The following NAA25 variants were observed in gnomAD, a reference collection of about 807,000 sequenced individuals.
NAA25 encodes the protein N-terminal acetyltransferase B complex subunit NAA25.
Under a neutral mutation model 132.5 loss-of-function variants are expected in NAA25, and 30 were observed. The observed-to-expected ratio is 0.23, with a 90% CI of 0.17 to 0.31. NAA25 has a LOEUF of 0.31. Ranked by LOEUF, NAA25 falls within the 10% of genes least tolerant of loss-of-function variation. The probability of loss-of-function intolerance (pLI) is 1.00; values close to 1 mark genes in which losing one functional copy is unlikely to be tolerated. For missense variants in NAA25, 771 were observed against 1,150.4 expected, an observed-to-expected ratio of 0.67 and a Z score of 4.77; for synonymous variants, 359 against 401.9, an observed-to-expected ratio of 0.89 and a Z score of 1.28.
At chr12:112,077,844 C>G (rs1192088113) in intron 7 of NAA25, among the ~76,000 whole-genome samples, 1 of 150,970 alleles carries the variant, frequency 6.6e-6, no homozygotes, top group East Asian at 1.9e-4. Context: ...TAAGATTATT[C>G]TATGAGCCAG....
At chr12:112,064,177 T>A (rs2078678956) in intron 11 of NAA25, 1 of 152,274 alleles carries the variant, frequency 6.6e-6, no homozygotes, top group African/African-American at 2.4e-5. Context: ...TGATCAGATA[T>A]ATATATTTCA....
intron 15 of NAA25, among the ~76,000 whole-genome samples, chr12:112,050,932 T>C (rs1374147493): frequency 1.3e-5 from 2 of 152,254 alleles, no homozygotes; most frequent in South Asian, 4.1e-4. Context: ...TAAGTAAAAG[T>C]GTCCTGTCAA....
rs117962158 is a variant in NAA25, at chr12:112,106,077, C to T, written c.58+2639G>A. 7.2e-3 allele frequency among the ~76,000 whole-genome samples: 1,091 copies of T among 152,262 alleles called. 10 individuals carry two copies. Among genetic ancestry groups the T allele is most frequent in the Non-Finnish European group, 0.012 (844 of 68,018 alleles). On this transcript the variant is annotated intron_variant, in intron 1 of 23. Transcript: ENST00000261745. The stretch of plus-strand genomic sequence containing the variant: ...CAAATGTGCTTAAGTGCTGAATTCA[C>T]GGACAGTCTGTACCGTTCTTTTCCT...
At chr12:112,088,366 G>A (rs375160815) in intron 3 of NAA25, among the ~76,000 whole-genome samples, 2 of 116,436 alleles carry the variant, frequency 1.7e-5, no homozygotes, top group Non-Finnish European at 3.2e-5. Flanking sequence ...TCACTCTGTC[G>A]CCCAGGCTGG....
chr12:112,044,088 C>A lies in NAA25; in HGVS notation c.2007-220G>T, dbSNP rs543368239. ...GCCTACAGGCGCCTGCCACCACGCC[C>A]GGCTAATTTTTTTTTTGTATTTTTA... is the stretch of plus-strand genomic sequence containing the variant. On this transcript the variant is annotated intron_variant, in intron 17 of 23. Transcript: ENST00000261745. Among the ~76,000 whole-genome samples, 77 of 151,906 alleles carry A rather than the reference C, an allele frequency of 5.1e-4. 1 individual carries two copies. The South Asian group carries it at 0.015, about 30-fold the overall frequency.
intron 4 of NAA25, among the ~76,000 whole-genome samples, chr12:112,083,963 G>C (rs542649594): frequency 1.3e-5 from 2 of 152,266 alleles, no homozygotes; most frequent in Admixed American, 1.3e-4. Flanking sequence ...GACATACAGA[G>C]ATAAAAATAT....
rs749362873 is a variant in NAA25, at chr12:112,060,285, C to T, written c.1432G>A (p.Val478Ile). The T allele has an allele frequency of 6.2e-7, 1 of 1,611,872 alleles. No individual in the cohort carries two copies. Among genetic ancestry groups the T allele is most frequent in the Non-Finnish European group, 8.5e-7 (1 of 1,178,656 alleles). The change falls in exon 13 of 24, where the codon GTA becomes ATA. Residue 478 changes from valine to isoleucine, a missense_variant. This residue lies in a region of NAA25 where 417 missense variants were observed against 733.8 expected (regional missense o/e 0.57). Coordinates refer to ENST00000261745, the MANE Select transcript of NAA25 (RefSeq NM_024953.4). ...CLLAVHALID[V>I]WRETGDETTV... ...TGCTACTTACCTGTTTCCCTCCATACATCAATAAGCGCATGGACAGCAAGG... is the reference window on the plus strand; with the variant it reads ...TGCTACTTACCTGTTTCCCTCCATATATCAATAAGCGCATGGACAGCAAGG...
At chr12:112,098,751 G>A (rs770507941) in intron 1 of NAA25, among the ~76,000 whole-genome samples, 1 of 152,064 alleles carries the variant, frequency 6.6e-6, no homozygotes, top group Non-Finnish European at 1.5e-5. Flanking sequence ...TACTCACAGT[G>A]AAAAAGTCAA....
intron 22 of NAA25, 106 bp downstream of exon 22, chr12:112,039,123 T>G (rs1251046038): frequency 1.8e-6 from 1 of 566,118 alleles, no homozygotes; most frequent in African/African-American, 1.9e-5. Flanking sequence ...TTGGAGAAGC[T>G]TGGCATATAG....
At chr12:112,046,031 A>G (rs1187737252) in intron 17 of NAA25, among the ~76,000 whole-genome samples, 1 of 152,218 alleles carries the variant, frequency 6.6e-6, no homozygotes, top group African/African-American at 2.4e-5. Flanking sequence ...TATCGTTAGA[A>G]AGGCCTACTT....
Position 112,040,531 on chromosome 12 carries a change from T to C in NAA25, c.2488A>G (p.Asn830Asp), listed in dbSNP as rs142281598. 1.9e-6 allele frequency: 3 copies of C among 1,606,224 alleles called. No individual in the cohort carries two copies. Among genetic ancestry groups the C allele is most frequent in the Non-Finnish European group, 2.6e-6 (3 of 1,175,344 alleles). The change falls in exon 21 of 24, where the codon AAC (asparagine) becomes GAC (aspartate). Residue 830 changes from asparagine (N) to aspartate (D), a missense_variant. Asn to Asp is a conservative substitution (Grantham distance 23). Coordinates refer to ENST00000261745, the MANE Select transcript of NAA25 (RefSeq NM_024953.4). The part of the protein sequence containing the change: ...KGDLLEVKDG[N>D]LKTHPTLLEN... ...AAAAGAGTAGGATGTGTTTTCAAGTTACCATCTTTAACTTCTAAGAGGTCA... is the reference window on the plus strand; with the variant it reads ...AAAAGAGTAGGATGTGTTTTCAAGTCACCATCTTTAACTTCTAAGAGGTCA...
At chr12:112,040,215 T>A (rs565858305) in intron 21 of NAA25, 2 of 290,888 alleles carry the variant, frequency 6.9e-6, no homozygotes, top group Admixed American at 1.1e-4. Context: ...TGAAAACAGC[T>A]AGATTTGAGG....
intron 13 of NAA25, among the ~76,000 whole-genome samples, chr12:112,055,520 C>T (rs569242573): frequency 1.5e-4 from 23 of 152,118 alleles, no homozygotes; most frequent in African/African-American, 5.5e-4. Context: ...CATAGCTAGA[C>T]CTCGTCTCTA....
chr12:112,061,076 C>T, intron 12 of NAA25, 105 bp downstream of exon 12: 1 of 828,368 alleles, frequency 1.2e-6, no homozygotes, highest in South Asian at 1.7e-5. Flanking sequence ...AAAATAGTCT[C>T]CTTACAAAAC....
At chr12:112,088,949 T>C (rs773131512) in intron 3 of NAA25, among the ~76,000 whole-genome samples, 1 of 152,134 alleles carries the variant, frequency 6.6e-6, no homozygotes, top group Admixed American at 6.5e-5. Context: ...TTGACTCTGA[T>C]AGAATACCAG....
intron 22 of NAA25, among the ~76,000 whole-genome samples, chr12:112,036,869 G>A (rs2078230309): frequency 6.6e-6 from 1 of 151,300 alleles, no homozygotes; most frequent in African/African-American, 2.4e-5. Flanking sequence ...ACGTAAAACT[G>A]TGTGTGCGTG....
intron 1 of NAA25, among the ~76,000 whole-genome samples, chr12:112,100,388 C>G (rs2079276047): frequency 6.6e-6 from 1 of 152,116 alleles, no homozygotes; most frequent in African/African-American, 2.4e-5. Flanking sequence ...GTCTCGATCT[C>G]CTGACCTCGT....
At chr12:112,036,370 C>A (rs1014694666) in intron 22 of NAA25, among the ~76,000 whole-genome samples, 2 of 151,984 alleles carry the variant, frequency 1.3e-5, no homozygotes, top group African/African-American at 4.8e-5. Context: ...GTGGAACTGA[C>A]GTATGAATTC....
At chr12:112,096,907 G>A (rs2079219548) in intron 1 of NAA25, among the ~76,000 whole-genome samples, 1 of 152,134 alleles carries the variant, frequency 6.6e-6, no homozygotes, top group Non-Finnish European at 1.5e-5. Context: ...ACCCATCTCT[G>A]AAGGTCTGCC....
Sources: gnomAD v4.1 joint callset for allele counts (sites outside exome capture counted in the v4.1 genomes callset) on GRCh38, gnomAD v4.1.1 for gene constraint, gnomAD v4.1.1 regional missense constraint, MANE v1.5 for transcripts, NCBI Gene and HGNC (gene_info 2026-07-23, HGNC 2026-07-21) for gene names.